The following TENM4 variants were observed in gnomAD, a reference collection of about 807,000 sequenced individuals.
TENM4 encodes the protein teneurin-4.
In TENM4, 82 loss-of-function variants were observed where a neutral mutation model predicts 243.3. The ratio of observed to expected loss-of-function variants is 0.34; its 90% confidence interval spans 0.28 to 0.40. The LOEUF (loss-of-function observed/expected upper bound fraction) is 0.40. Among genes scored for constraint, TENM4 ranks in the 10% least tolerant of loss-of-function variants. The pLI, the probability that TENM4 is intolerant of heterozygous loss-of-function variation, is 1.00. For missense variants in TENM4, 3,138 were observed against 3,673.3 expected (o/e 0.85, Z 3.77); for synonymous variants, 1,412 against 1,456.3 (o/e 0.97, Z 0.69).
chr11:78,895,017 T>G (rs1855757637), intron 7 of TENM4, among the ~76,000 whole-genome samples: 1 of 92,532 alleles, frequency 1.1e-5, no homozygotes, highest in Non-Finnish European at 2.6e-5. Context: ...AGAAGACAAT[T>G]CTGGCTATTC....
intron 6 of TENM4, among the ~76,000 whole-genome samples, chr11:79,006,525 C>T (rs1263735479): frequency 6.6e-6 from 1 of 152,072 alleles, no homozygotes; most frequent in African/African-American, 2.4e-5. Context: ...TGAATCTTCA[C>T]CAAAACTCTA....
At chr11:78,767,582 C>A (rs924618742) in intron 18 of TENM4, among the ~76,000 whole-genome samples, 2 of 152,202 alleles carry the variant, frequency 1.3e-5, no homozygotes, top group Admixed American at 1.3e-4. Context: ...CCTCTCTGGG[C>A]TCCAGTTGTC....
chr11:79,278,582 A>T (rs766767612), intron 2 of TENM4, among the ~76,000 whole-genome samples: 4 of 152,200 alleles, frequency 2.6e-5, no homozygotes, highest in Non-Finnish European at 5.9e-5. Context: ...TCAAAGCAGC[A>T]TCAGCAGAAG....
At chr11:78,887,869 C>G (rs1329752278) in intron 9 of TENM4, among the ~76,000 whole-genome samples, 1 of 152,204 alleles carries the variant, frequency 6.6e-6, no homozygotes, top group African/African-American at 2.4e-5. Context: ...CTTAAGACTT[C>G]AACGCAAAAC....
intron 3 of TENM4, among the ~76,000 whole-genome samples, chr11:79,180,426 C>A (rs1247976136): frequency 6.6e-6 from 1 of 151,478 alleles, no homozygotes; most frequent in African/African-American, 2.4e-5. Context: ...GTTCAACAGC[C>A]AAGTAGTCAG....
At chr11:78,959,689 G>C (rs1467558270) in intron 6 of TENM4, among the ~76,000 whole-genome samples, 1 of 152,194 alleles carries the variant, frequency 6.6e-6, no homozygotes, top group East Asian at 1.9e-4. Flanking sequence ...AAAGTGACAA[G>C]GTCCCCTGGG....
chr11:79,167,747 G>C (rs1862947024), intron 3 of TENM4, among the ~76,000 whole-genome samples: 1 of 152,168 alleles, frequency 6.6e-6, no homozygotes, highest in African/African-American at 2.4e-5. Context: ...AGAGAGACTT[G>C]GTGTGGGGTT....
At chr11:78,900,554 A>G (rs1410242490) in intron 7 of TENM4, among the ~76,000 whole-genome samples, 1 of 152,214 alleles carries the variant, frequency 6.6e-6, no homozygotes, top group Non-Finnish European at 1.5e-5. Context: ...TATGAAAAAA[A>G]TGGGAAATAG....
At chr11:79,067,679 A>C (rs1227087957) in intron 5 of TENM4, among the ~76,000 whole-genome samples, 1 of 151,280 alleles carries the variant, frequency 6.6e-6, no homozygotes, top group African/African-American at 2.4e-5. Flanking sequence ...TAAGGGTTCC[A>C]TGATCCTGTT....
At chr11:78,868,927 T>C (rs761969230) in intron 9 of TENM4, among the ~76,000 whole-genome samples, 3 of 152,080 alleles carry the variant, frequency 2.0e-5, no homozygotes, top group Non-Finnish European at 4.4e-5. Flanking sequence ...TTTTTTTTTT[T>C]AAATGACTAT....
chr11:78,986,012 C>G (rs560757852), intron 6 of TENM4, among the ~76,000 whole-genome samples: 17 of 152,180 alleles, frequency 1.1e-4, no homozygotes, highest in Non-Finnish European at 2.5e-4. Context: ...CAAGGTGTAT[C>G]AAGAGATGAA....
intron 19 of TENM4, chr11:78,749,118 G>T (rs1433998666): frequency 6.6e-6 from 1 of 152,206 alleles, no homozygotes; most frequent in Non-Finnish European, 1.5e-5. Flanking sequence ...AATCAATAAA[G>T]GGATGATCAA....
intron 2 of TENM4, among the ~76,000 whole-genome samples, chr11:79,273,557 G>T (rs966149500): frequency 6.6e-6 from 1 of 152,176 alleles, no homozygotes; most frequent in Admixed American, 6.5e-5. Context: ...ATCTTATTTG[G>T]TATATTTCTC....
At chr11:79,120,631 A>C (rs1279384401) in intron 4 of TENM4, among the ~76,000 whole-genome samples, 1 of 152,246 alleles carries the variant, frequency 6.6e-6, no homozygotes, top group Non-Finnish European at 1.5e-5. Flanking sequence ...CAGTTAAAAC[A>C]TTGCTGAATC....
At chr11:79,063,211 C>T (rs1327444921) in intron 6 of TENM4, among the ~76,000 whole-genome samples, 1 of 152,194 alleles carries the variant, frequency 6.6e-6, no homozygotes, top group African/African-American at 2.4e-5. Flanking sequence ...GGTCTCCTGC[C>T]CATCCCCAAT....
chr11:79,343,614 A>T (rs751760295), intron 1 of TENM4, among the ~76,000 whole-genome samples: 1 of 152,186 alleles, frequency 6.6e-6, no homozygotes, highest in Non-Finnish European at 1.5e-5. Flanking sequence ...AAGGACTCCA[A>T]TGCTTAATAT....
At chr11:78,731,797 C>T (rs1005884216) in intron 21 of TENM4, among the ~76,000 whole-genome samples, 8 of 152,254 alleles carry the variant, frequency 5.3e-5, no homozygotes, top group African/African-American at 1.4e-4. Flanking sequence ...ATGAAGGCAG[C>T]GTGTGTTAAA....
At chr11:78,787,923 C>T (rs564341507) in intron 15 of TENM4, among the ~76,000 whole-genome samples, 173 of 152,284 alleles carry the variant, frequency 1.1e-3, no homozygotes, top group Middle Eastern at 6.8e-3. Context: ...CTGCAGGGAG[C>T]GGTGGTAAAG....
chr11:78,955,025 C>T (rs1046503792), intron 6 of TENM4, among the ~76,000 whole-genome samples: 1 of 152,218 alleles, frequency 6.6e-6, no homozygotes, highest in Admixed American at 6.5e-5. Context: ...TGAGGCTTCT[C>T]CAGATGAAGT....
Sources: gnomAD v4.1 joint callset for allele counts (sites outside exome capture counted in the v4.1 genomes callset) on GRCh38, gnomAD v4.1.1 for gene constraint, MANE v1.5 for transcripts, NCBI Gene and HGNC (gene_info 2026-07-23, HGNC 2026-07-21) for gene names.